The following DBT variants were observed in gnomAD, a reference collection of about 807,000 sequenced individuals.
DBT encodes the protein lipoamide acyltransferase component of branched-chain alpha-keto acid dehydrogenase complex, mitochondrial.
In DBT, 40 loss-of-function variants were observed where a neutral mutation model predicts 51.3. The ratio of observed to expected loss-of-function variants is 0.78; its 90% CI spans 0.61 to 1.02. DBT has a LOEUF of 1.02. Among genes scored for constraint, DBT ranks in the 50% least tolerant of loss-of-function variants. The pLI is 0.00. For synonymous variants in DBT, 181 were observed against 190.4 expected, an observed-to-expected ratio of 0.95 and a Z score of 0.41; for missense variants, 510 against 580.2, an observed-to-expected ratio of 0.88 and a Z score of 1.24.
At chr1:100,205,633 A>G (rs927380532) in intron 10 of DBT, among the ~76,000 whole-genome samples, 1 of 152,268 alleles carries the variant, frequency 6.6e-6, no homozygotes, top group South Asian at 2.1e-4. Context: ...TCATGCTACT[A>G]TAAAGACACA....
chr1:100,229,487 T>A (rs1028653249), intron 4 of DBT, among the ~76,000 whole-genome samples: 8 of 152,162 alleles, frequency 5.3e-5, no homozygotes, highest in African/African-American at 1.9e-4. Context: ...TCTAGTTGGG[T>A]TTAGTTTCTT....
In DBT at chr1:100,230,801, T is replaced by TG; in HGVS notation, c.364_365insC (p.Tyr122SerfsTer3). Reference sequence around the variant, plus strand: ...ATAGGCAATATCGTCTAGATTATAATAGAGTTTTTTAATGACTCCATCATA... The same window carrying TG: ...ATAGGCAATATCGTCTAGATTATAATGAGAGTTTTTTAATGACTCCATCATA... On this transcript the variant is annotated frameshift_variant, in exon 4 of 11. Coordinates refer to ENST00000370132, the MANE Select transcript of DBT (RefSeq NM_001918.5). LOFTEE classifies it high-confidence loss of function. 1 of 1,610,798 alleles carries TG rather than the reference T, an allele frequency of 6.2e-7. No individual in the cohort carries two copies. The highest frequency in any genetic ancestry group is 1.1e-5 in the South Asian group (1 of 90,976).
intron 1 of DBT, among the ~76,000 whole-genome samples, chr1:100,248,085 G>A (rs1168248610): frequency 6.8e-6 from 1 of 147,256 alleles, no homozygotes; most frequent in African/African-American, 2.5e-5. Flanking sequence ...CTGGGTGACA[G>A]AGAGAGACTC....
At chr1:100,230,478 T>C (rs962339936) in intron 4 of DBT, among the ~76,000 whole-genome samples, 6 of 152,186 alleles carry the variant, frequency 3.9e-5, no homozygotes, top group Non-Finnish European at 8.8e-5. Context: ...TTTTGCAACA[T>C]TTCATCTCTT....
chr1:100,213,339 T>TGGAGGCC, intron 7 of DBT: 1 of 1,521,504 alleles, frequency 6.6e-7, no homozygotes, highest in East Asian at 2.5e-5. Flanking sequence ...GCCTACAACC[T>TGGAGGCC]GGAGGCCGGC....
At chr1:100,241,768 C>T (rs533841262) in intron 1 of DBT, among the ~76,000 whole-genome samples, 2 of 152,236 alleles carry the variant, frequency 1.3e-5, no homozygotes, top group African/African-American at 4.8e-5. Flanking sequence ...CCTGTAATCC[C>T]AGCACTTTGG....
intron 8 of DBT, chr1:100,210,426 T>C: frequency 3.9e-6 from 1 of 256,420 alleles, no homozygotes. Flanking sequence ...GTAGAGTGGG[T>C]AACATAATCT....
intron 10 of DBT, among the ~76,000 whole-genome samples, chr1:100,199,056 G>C (rs1661272474): frequency 6.6e-6 from 1 of 152,104 alleles, no homozygotes; most frequent in Non-Finnish European, 1.5e-5. Context: ...ATTAATAGGG[G>C]GTACCCAAGT....
chr1:100,206,269 C>G lies in DBT; in HGVS notation c.1242G>C (p.Met414Ile). ...GGGCCCCAATGGCTACTTCAGGTGG[C>G]ATTATCACTGGTTTGGCAAAGGTAC... ...IGGTFAKPVI[M>I]PPEVAIGALG... Residue 414 changes from methionine to isoleucine, a missense_variant, in exon 10 of 11, where the codon ATG becomes ATC. Met to Ile is a conservative substitution (Grantham distance 10, BLOSUM62 1). Transcript: ENST00000370132. The G allele has an allele frequency of 6.2e-7, 1 of 1,610,792 alleles. No homozygotes were observed. The highest frequency in any genetic ancestry group is 8.5e-7 in the Non-Finnish European group (1 of 1,178,944).
chr1:100,214,860 A>G lies in DBT; in HGVS notation c.896T>C (p.Phe299Ser), dbSNP rs1191612518. The G allele has an allele frequency of 1.2e-6, 2 of 1,614,192 alleles. No individual in the cohort carries two copies. Among genetic ancestry groups the G allele is most frequent in the Non-Finnish European group, 1.7e-6 (2 of 1,180,010 alleles). Reference sequence around the variant, plus strand: ...AAAGGAGAGTTTAATTCCACGAGCAAATGCAATGGGTTTTAATTCTTCTCG... The same window carrying G: ...AAAGGAGAGTTTAATTCCACGAGCAGATGCAATGGGTTTTAATTCTTCTCG... ...KLREELKPIA[F>S]ARGIKLSFMP... Residue 299 changes from phenylalanine to serine, a missense_variant, in exon 7 of 11, where the codon TTT becomes TCT. Coordinates refer to ENST00000370132, the MANE Select transcript of DBT (RefSeq NM_001918.5).
At chr1:100,217,276 T>C in intron 5 of DBT, among the ~76,000 whole-genome samples, 1 of 152,276 alleles carries the variant, frequency 6.6e-6, no homozygotes, top group South Asian at 2.1e-4. Flanking sequence ...AGAAAAAAAT[T>C]ATTAAAATGC....
chr1:100,210,702 T>A lies in DBT; in HGVS notation c.1009A>T (p.Thr337Ser). 6.2e-7 allele frequency: 1 copy of A among 1,613,158 alleles called. No individual in the cohort carries two copies. Among genetic ancestry groups the A allele is most frequent in the Non-Finnish European group, 8.5e-7 (1 of 1,179,220 alleles). The stretch of plus-strand genomic sequence containing the variant: ...TACTCTGCATAGCCAACCTTATATG[T>A]TATATTCTGGCAGTTTTCATCCACA... ...ASVDENCQNI[T>S]YKASHNIGIA... Residue 337 changes from threonine to serine, a missense_variant, in exon 8 of 11, where the codon ACA becomes TCA. Coordinates refer to ENST00000370132, the MANE Select transcript of DBT (RefSeq NM_001918.5).
chr1:100,226,719 A>G (rs1310385850), intron 4 of DBT, among the ~76,000 whole-genome samples: 1 of 152,198 alleles, frequency 6.6e-6, no homozygotes, highest in Non-Finnish European at 1.5e-5. Context: ...GATTCCAGGT[A>G]TGGGGTGGGA....
chr1:100,248,535 A>G (rs1366289412), intron 1 of DBT, among the ~76,000 whole-genome samples: 1 of 152,312 alleles, frequency 6.6e-6, no homozygotes, highest in South Asian at 2.1e-4. Context: ...CAAAGAGTGG[A>G]TGGGATAACC....
At chr1:100,225,826 C>CAAAAAAAAA (rs71084809) in intron 4 of DBT, among the ~76,000 whole-genome samples, 1 of 86,932 alleles carries the variant, frequency 1.2e-5, no homozygotes, top group Admixed American at 1.6e-4. Context: ...CTCCATCTCA[C>CAAAAAAAAA]AAAAAAAAAA....
intron 6 of DBT, among the ~76,000 whole-genome samples, chr1:100,215,545 G>A (rs892649935): frequency 1.3e-5 from 2 of 152,156 alleles, no homozygotes; most frequent in African/African-American, 2.4e-5. Context: ...TTATGGCCAG[G>A]CGCAGTGGCT....
chr1:100,208,684 G>C (rs60075529), intron 8 of DBT, among the ~76,000 whole-genome samples: 2 of 151,108 alleles, frequency 1.3e-5, no homozygotes, highest in Non-Finnish European at 1.5e-5. Context: ...GATCACTTGA[G>C]CCCAGGAGTT....
intron 1 of DBT, among the ~76,000 whole-genome samples, chr1:100,246,409 T>C (rs975424642): frequency 1.3e-5 from 2 of 152,188 alleles, no homozygotes; most frequent in Non-Finnish European, 2.9e-5. Context: ...AAGTCAGACA[T>C]TGTACTGGAC....
chr1:100,211,899 G>A (rs903683374), intron 7 of DBT, among the ~76,000 whole-genome samples: 1 of 152,090 alleles, frequency 6.6e-6, no homozygotes, highest in African/African-American at 2.4e-5. Flanking sequence ...AGCCTCCCGA[G>A]TAGCTGGAAC....
Sources: gnomAD v4.1 joint callset for allele counts (sites outside exome capture counted in the v4.1 genomes callset) on GRCh38, gnomAD v4.1.1 for gene constraint, MANE v1.5 for transcripts, NCBI Gene and HGNC (gene_info 2026-07-23, HGNC 2026-07-21) for gene names.